MPP4: variants seen among roughly 807,000 people sequenced by gnomAD.
MPP4 encodes the protein MAGUK p55 subfamily member 4.
MPP4 carries 91 observed loss-of-function variants against 98.3 expected under a neutral mutation model. The ratio of observed to expected loss-of-function variants is 0.93; its 90% CI spans 0.78 to 1.10. MPP4 has a LOEUF of 1.10. MPP4 is among the 50% of genes least tolerant of loss of function. The probability of loss-of-function intolerance (pLI) is 0.00; values close to 1 mark genes in which losing one functional copy is unlikely to be tolerated. For missense variants in MPP4, 744 were observed against 792.9 expected (o/e 0.94, Z 0.74); for synonymous variants, 261 against 271.8 (o/e 0.96, Z 0.39).
intron 14 of MPP4, chr2:201,661,630 T>C (rs12052740): frequency 0.076 from 34,804 of 455,158 alleles, 1,606 homozygotes; most frequent in East Asian, 0.18. Flanking sequence ...TAATGCCCGC[T>C]AACACTTGTG....
intron 10 of MPP4, among the ~76,000 whole-genome samples, chr2:201,676,597 T>C (rs911017506): frequency 1.6e-4 from 24 of 152,204 alleles, no homozygotes; most frequent in African/African-American, 5.1e-4. Context: ...AGAGTAAAAA[T>C]CTTAACAGTA....
chr2:201,693,967 A>G lies in MPP4; in HGVS notation c.-13T>C. ...CTGACTGTATCATCCTCCCTGCCGG[A>G]GCTTCTGAAAGGAATTCAGGACTAG... On this transcript the variant is annotated 5_prime_UTR_variant, in exon 2 of 22. Coordinates refer to ENST00000409474, the MANE Select transcript of MPP4 (RefSeq NM_033066.3). The G allele has an allele frequency of 1.2e-6, 2 of 1,613,914 alleles. No homozygotes were observed. The highest frequency in any genetic ancestry group is 1.7e-6 in the Non-Finnish European group (2 of 1,179,838).
At chr2:201,647,125 GA>G (rs111275745) in intron 21 of MPP4, among the ~76,000 whole-genome samples, 74,107 of 151,892 alleles carry the variant, frequency 0.49, 18,188 homozygotes, top group East Asian at 0.68. Flanking sequence ...TACGCAACCG[GA>G]AAAAAAATCA....
At chr2:201,669,704 A>G in intron 12 of MPP4, 29 bp downstream of exon 12, 1 of 1,392,914 alleles carries the variant, frequency 7.2e-7, no homozygotes. Context: ...TTTGGAGATA[A>G]GAGTTTTTTC....
chr2:201,652,288 A>G (rs1177955662), intron 18 of MPP4, among the ~76,000 whole-genome samples: 1 of 151,960 alleles, frequency 6.6e-6, no homozygotes. Flanking sequence ...GTGAAACCCC[A>G]TCTCTACTAA....
rs549892248 is a variant in MPP4 at position 201,680,785 on chromosome 2, A to C, written c.929+53T>G. ...GAGGTAACAGAAACCCAAGAAAAAC[A>C]TTTTGTTTCCTGATGGTTCAGCCCT... On this transcript the variant is annotated intron_variant, in intron 10 of 21. Coordinates refer to ENST00000409474, the MANE Select transcript of MPP4 (RefSeq NM_033066.3). The C allele has an allele frequency of 5.9e-5, 89 of 1,515,418 alleles. 2 individuals are homozygous for C. In the South Asian group the frequency reaches 1.1e-3, roughly 18 times the overall value. The allele number at this position is 1,515,418 out of a possible 1,614,324, so 93.9% of individuals were successfully genotyped here.
intron 18 of MPP4, among the ~76,000 whole-genome samples, chr2:201,653,401 A>T (rs1687771268): frequency 6.6e-6 from 1 of 151,932 alleles, no homozygotes; most frequent in South Asian, 2.1e-4. Context: ...CTCTTCCCAC[A>T]CTCAGTGGGT....
intron 3 of MPP4, among the ~76,000 whole-genome samples, chr2:201,691,994 G>A (rs1180139761): frequency 6.6e-6 from 1 of 152,190 alleles, no homozygotes; most frequent in Non-Finnish European, 1.5e-5. Context: ...TGACCATCGT[G>A]GTGGCTGTTT....
intron 8 of MPP4, among the ~76,000 whole-genome samples, chr2:201,682,164 G>A (rs1688682650): frequency 6.6e-6 from 1 of 152,194 alleles, no homozygotes; most frequent in Non-Finnish European, 1.5e-5. Flanking sequence ...AAATCCCACT[G>A]TCCCGGCAAC....
intron 13 of MPP4, chr2:201,665,601 A>G (rs1310526568): frequency 3.3e-5 from 5 of 152,242 alleles, no homozygotes; most frequent in Non-Finnish European, 2.9e-5. Context: ...AAAAAAATGT[A>G]TACTTGGTAA....
intron 1 of MPP4, among the ~76,000 whole-genome samples, chr2:201,694,721 A>C (rs1689133487): frequency 7.0e-6 from 1 of 143,836 alleles, no homozygotes; most frequent in Non-Finnish European, 1.5e-5. Context: ...CTTAGGTTCA[A>C]ATCATCCTGC....
chr2:201,677,883 C>T (rs1052479335), intron 10 of MPP4, among the ~76,000 whole-genome samples: 3 of 152,220 alleles, frequency 2.0e-5, no homozygotes, highest in Non-Finnish European at 2.9e-5. Flanking sequence ...TCAAAAGCCA[C>T]ATCAGCCCGC....
At chr2:201,679,626 C>T (rs1688613915) in intron 10 of MPP4, among the ~76,000 whole-genome samples, 1 of 152,160 alleles carries the variant, frequency 6.6e-6, no homozygotes, top group Admixed American at 6.5e-5. Context: ...AATACTAAAG[C>T]ATATCTCCTA....
At chr2:201,649,105 C>T (rs990240291) in intron 20 of MPP4, among the ~76,000 whole-genome samples, 9 of 152,016 alleles carry the variant, frequency 5.9e-5, no homozygotes, top group Non-Finnish European at 1.2e-4. Context: ...GACACACACA[C>T]ACACACGAAG....
chr2:201,680,976 A>G lies in MPP4; in HGVS notation c.791T>C (p.Met264Thr). The change falls in exon 10 of 22, where the codon ATG becomes ACG. Residue 264 changes from methionine to threonine, a missense_variant. By Grantham distance (81) the Met-to-Thr change is moderately conservative. Transcript: ENST00000409474. ...WPQEDPDIPC[M>T]DAGLPFQKGD... ...CTTCTGGAAAGGCAATCCAGCGTCC[A>G]TGCAGGGGATGTCGGGATCCTCCTG... The G allele has an allele frequency of 1.2e-6, 2 of 1,613,936 alleles. No individual in the cohort carries two copies. The highest frequency in any genetic ancestry group is 3.3e-4 in the Middle Eastern group (2 of 6,060).
At chr2:201,686,236 CATTA>C (rs1559017501) in intron 5 of MPP4, among the ~76,000 whole-genome samples, 186 bp from the exon 6 acceptor site, 1 of 152,158 alleles carries the variant, frequency 6.6e-6, no homozygotes, top group African/African-American at 2.4e-5. Flanking sequence ...GAGGCAGGTA[CATTA>C]ATTGTCCTCA....
chr2:201,669,092 G>GTA (rs1688263997), intron 12 of MPP4, among the ~76,000 whole-genome samples: 1 of 61,504 alleles, frequency 1.6e-5, no homozygotes, highest in African/African-American at 3.9e-5. Context: ...CTTGCTTTGT[G>GTA]TGTGTGTGTG....
At chr2:201,681,709 C>T (rs1323890666) in intron 8 of MPP4, 142 bp from the exon 9 acceptor site, 1 of 655,608 alleles carries the variant, frequency 1.5e-6, no homozygotes, top group Non-Finnish European at 2.7e-6. Context: ...CTGCAGCTGT[C>T]ACCATCCAGA....
intron 13 of MPP4, among the ~76,000 whole-genome samples, chr2:201,664,768 G>T (rs1045793822): frequency 2.0e-5 from 3 of 152,142 alleles, no homozygotes; most frequent in African/African-American, 7.2e-5. Flanking sequence ...CATGTAAAAT[G>T]ATATAGTTAT....
Sources: allele counts gnomAD v4.1 joint callset (sites outside exome capture counted in the v4.1 genomes callset), GRCh38; gene constraint gnomAD v4.1.1; transcripts MANE v1.5; gene names NCBI Gene and HGNC (gene_info 2026-07-23, HGNC 2026-07-21).